Variants in SLC7A8 observed in about 807,000 individuals in gnomAD.
SLC7A8 encodes the protein large neutral amino acids transporter small subunit 2.
In SLC7A8, 30 loss-of-function variants were observed where a neutral mutation model predicts 51.2. That is an observed-to-expected ratio of 0.59 (90% confidence interval 0.44 to 0.80). The LOEUF (loss-of-function observed/expected upper bound fraction) is 0.80. Among genes scored for constraint, SLC7A8 ranks in the 30% least tolerant of loss-of-function variants. The probability of loss-of-function intolerance (pLI) is 0.00; values close to 1 mark genes in which losing one functional copy is unlikely to be tolerated. For synonymous variants in SLC7A8, 257 were observed against 275.8 expected (o/e 0.93, Z 0.67); for missense variants, 612 against 674.4 (o/e 0.91, Z 1.03).
At chr14:23,155,426 C>T in intron 3 of SLC7A8, 1 of 1,440,540 alleles carries the variant, frequency 6.9e-7, no homozygotes, top group Non-Finnish European at 9.1e-7. Flanking sequence ...CCTGCGCCAG[C>T]TGCTGGAGCT....
chr14:23,158,700 CGT>C (rs1336880118), intron 3 of SLC7A8, among the ~76,000 whole-genome samples: 1 of 152,160 alleles, frequency 6.6e-6, no homozygotes, highest in Non-Finnish European at 1.5e-5. Context: ...TAAGTTGAAA[CGT>C]ATTTCATTTT....
intron 4 of SLC7A8, among the ~76,000 whole-genome samples, chr14:23,142,871 C>T (rs2048757871): frequency 6.6e-6 from 1 of 152,012 alleles, no homozygotes; most frequent in Non-Finnish European, 1.5e-5. Context: ...CCTTTGCAGC[C>T]TAAAGGGAGC....
rs1241777223 is a variant in SLC7A8 at position 23,160,929 on chromosome 14, A to G, written c.508+4356T>C. Among the ~76,000 whole-genome samples, 8 of 146,208 alleles carry G rather than the reference A, an allele frequency of 5.5e-5. No homozygotes were observed. In the East Asian group the frequency reaches 1.6e-3, roughly 29 times the overall value. On this transcript the variant is annotated intron_variant, in intron 3 of 10. Coordinates refer to ENST00000316902, the MANE Select transcript of SLC7A8 (RefSeq NM_012244.4). ...AGAGAGAAAGGCTTTTTATTTAATT[A>G]AAATGTAAAATACTTTCTCTCTCTC...
At chr14:23,182,681 A>C in intron 1 of SLC7A8, 83 bp downstream of exon 1, 1 of 1,441,448 alleles carries the variant, frequency 6.9e-7, no homozygotes, top group Non-Finnish European at 9.3e-7. Flanking sequence ...TAGGAAGAAC[A>C]ATAATGCTTT....
intron 1 of SLC7A8, among the ~76,000 whole-genome samples, chr14:23,177,513 T>A (rs1876975844): frequency 6.6e-6 from 1 of 152,256 alleles, no homozygotes; most frequent in African/African-American, 2.4e-5. Flanking sequence ...ATTCACAAAT[T>A]GTTCTTTGCT....
chr14:23,175,129 A>C (rs956552090), intron 1 of SLC7A8, among the ~76,000 whole-genome samples: 1 of 152,154 alleles, frequency 6.6e-6, no homozygotes, highest in African/African-American at 2.4e-5. Flanking sequence ...ACCCCACTTC[A>C]ATAAGCTGAT....
intron 3 of SLC7A8, among the ~76,000 whole-genome samples, chr14:23,146,471 A>G (rs2048795176): frequency 6.6e-6 from 1 of 152,192 alleles, no homozygotes; most frequent in Non-Finnish European, 1.5e-5. Flanking sequence ...ACAGAAAGAC[A>G]CCTTCAAACT....
intron 7 of SLC7A8, among the ~76,000 whole-genome samples, chr14:23,133,065 C>A (rs901103595): frequency 6.6e-6 from 1 of 152,148 alleles, no homozygotes; most frequent in Admixed American, 6.5e-5. Flanking sequence ...CATGAGCCAC[C>A]ACGCCCAGCC....
chr14:23,150,458 A>C (rs1358566744), intron 3 of SLC7A8, among the ~76,000 whole-genome samples: 1 of 152,206 alleles, frequency 6.6e-6, no homozygotes, highest in Non-Finnish European at 1.5e-5. Flanking sequence ...GGGACCTGGC[A>C]GGTCTGAATC....
intron 3 of SLC7A8, chr14:23,156,457 C>T (rs1594834400): frequency 1.3e-5 from 2 of 152,132 alleles, no homozygotes; most frequent in South Asian, 4.1e-4. Flanking sequence ...TTTTTCTTTC[C>T]CCCAAAGCTC....
chr14:23,129,849 T>C, intron 8 of SLC7A8, 50 bp from the exon 9 acceptor site: 1 of 1,603,822 alleles, frequency 6.2e-7, no homozygotes, highest in Non-Finnish European at 8.5e-7. Context: ...ATTCAGAGAC[T>C]GGTATTACAG....
intron 7 of SLC7A8, among the ~76,000 whole-genome samples, chr14:23,135,510 G>T (rs1057173769): frequency 2.6e-5 from 4 of 151,554 alleles, no homozygotes; most frequent in Non-Finnish European, 5.9e-5. Flanking sequence ...AGACCGTCCT[G>T]GCTAACATGG....
intron 6 of SLC7A8, 166 bp from the exon 7 acceptor site, chr14:23,138,190 G>A (rs899577074): frequency 1.3e-5 from 10 of 756,902 alleles, no homozygotes; most frequent in Non-Finnish European, 2.1e-5. Context: ...CCCCTACACA[G>A]GGTGGTTAAT....
At chr14:23,146,114 G>C (rs911431148) in intron 3 of SLC7A8, among the ~76,000 whole-genome samples, 4 of 152,224 alleles carry the variant, frequency 2.6e-5, no homozygotes, top group African/African-American at 9.7e-5. Context: ...GGCATGCAAG[G>C]TACAAGGCTG....
rs549152225 is a variant in SLC7A8 at position 23,154,412 on chromosome 14, G to T, written c.508+10873C>A. On this transcript the variant is annotated intron_variant, in intron 3 of 10. Transcript: ENST00000316902. ...CCAGGCTGGAGGTTGGAGCCGCTGG[G>T]CAGGGAAGCCGGGCCTGTGGGGGCG... is the stretch of plus-strand genomic sequence containing the variant. 3.0e-6 allele frequency: 3 copies of T among 994,326 alleles called. No individual in the cohort carries two copies. In the East Asian group the frequency reaches 3.4e-4, roughly 113 times the overall value. 61.6% of individuals were successfully genotyped at this position (994,326 alleles called of 1,614,324 possible). A position where few individuals can be genotyped will look rare whatever the true frequency, so the allele number is the denominator to read the frequency against.
chr14:23,148,417 C>G (rs550524923), intron 3 of SLC7A8, among the ~76,000 whole-genome samples: 1 of 151,992 alleles, frequency 6.6e-6, no homozygotes, highest in African/African-American at 2.4e-5. Context: ...TTAGTAGAGA[C>G]GGGTTTCACC....
chr14:23,136,442 TG>T (rs2048690747), intron 7 of SLC7A8, among the ~76,000 whole-genome samples: 2 of 152,282 alleles, frequency 1.3e-5, no homozygotes, highest in South Asian at 4.1e-4. Flanking sequence ...AGACAGTCCT[TG>T]CCCAGCTAGC....
chr14:23,145,480 T>G (rs989461426), intron 3 of SLC7A8, among the ~76,000 whole-genome samples: 28 of 148,844 alleles, frequency 1.9e-4, no homozygotes, highest in African/African-American at 5.9e-4. Flanking sequence ...TGAGCCGAGA[T>G]TGTGCCAGTG....
intron 3 of SLC7A8, among the ~76,000 whole-genome samples, chr14:23,159,746 G>A (rs1162846271): frequency 9.9e-5 from 15 of 152,226 alleles, no homozygotes; most frequent in Admixed American, 9.8e-4. Flanking sequence ...GCTTTCTGCA[G>A]AGGAATTGCA....
Sources: allele counts gnomAD v4.1 joint callset (sites outside exome capture counted in the v4.1 genomes callset), GRCh38; gene constraint gnomAD v4.1.1; transcripts MANE v1.5; gene names NCBI Gene and HGNC (gene_info 2026-07-23, HGNC 2026-07-21).